Variants in ATP6V0A2 observed in about 807,000 individuals in gnomAD.
The protein encoded by ATP6V0A2 is ATPase H+ transporting V0 subunit a2, also known as V-type proton ATPase 116 kDa subunit a 2.
Under a neutral mutation model 104.4 loss-of-function variants are expected in ATP6V0A2, and 58 were observed. The observed-to-expected ratio is 0.56, with a 90% CI of 0.45 to 0.69. ATP6V0A2 has a LOEUF of 0.69. ATP6V0A2 is among the 30% of genes least tolerant of loss of function. ATP6V0A2 has a pLI of 0.00. For synonymous variants in ATP6V0A2, 376 were observed against 397.9 expected (o/e 0.95, Z 0.65); for missense variants, 938 against 1,062.9 (o/e 0.88, Z 1.63).
In ATP6V0A2 at chr12:123,748,091, A is replaced by G. The variant is rs138587923; in HGVS notation, c.1724+366A>G. On this transcript the variant is annotated intron_variant, in intron 14 of 19. Transcript: ENST00000330342. Reference sequence around the variant, plus strand: ...CATATTCCTTTTTTATTTTACAAATAAAAAATCTTTTTGTTTTTACTTTAT... The same window carrying G: ...CATATTCCTTTTTTATTTTACAAATGAAAAATCTTTTTGTTTTTACTTTAT... Among the ~76,000 whole-genome samples the G allele has an allele frequency of 7.7e-3, 1,166 of 152,292 alleles. 17 individuals carry two copies. The highest frequency in any genetic ancestry group is 0.026 in the African/African-American group (1,080 of 41,550).
Position 123,748,771 on chromosome 12 carries a change from C to T in ATP6V0A2, c.1921C>T (p.Leu641Phe), listed in dbSNP as rs545859716. The T allele has an allele frequency of 1.2e-6, 2 of 1,613,996 alleles. No individual in the cohort carries two copies. The highest frequency in any genetic ancestry group is 2.7e-5 in the African/African-American group (2 of 75,032). Residue 641 changes from leucine (L) to phenylalanine (F), a missense_variant, in exon 15 of 20, where the codon CTT becomes TTT. Physicochemically the swap from Leu to Phe is conservative, Grantham distance 22 (BLOSUM62 0). Transcript: ENST00000330342. The part of the protein sequence containing the change: ...FLFPASKTSG[L>F]YTGQEYVQRV... Reference sequence around the variant, plus strand: ...ATTCCCAGCCAGTAAAACAAGTGGCCTTTACACAGGGCAGGTGAGTCATCT... The same window carrying T: ...ATTCCCAGCCAGTAAAACAAGTGGCTTTTACACAGGGCAGGTGAGTCATCT...
At chr12:123,725,138 T>G (rs113279048) in intron 4 of ATP6V0A2, among the ~76,000 whole-genome samples, 4,883 of 152,254 alleles carry the variant, frequency 0.032, 211 homozygotes, top group African/African-American at 0.089. Flanking sequence ...TTTCACCATG[T>G]TGGCCAGGCT....
chr12:123,741,412 A>G (rs916396592), intron 9 of ATP6V0A2, among the ~76,000 whole-genome samples: 2 of 152,026 alleles, frequency 1.3e-5, no homozygotes, highest in African/African-American at 4.8e-5. Context: ...GATTTATGGA[A>G]CATGGTGAAG....
intron 8 of ATP6V0A2, 84 bp from the exon 9 acceptor site, chr12:123,736,975 A>G: frequency 3.8e-6 from 5 of 1,326,124 alleles, no homozygotes; most frequent in Non-Finnish European, 5.4e-6. Flanking sequence ...ATGGGGAGAA[A>G]GTCCTCTAAG....
chr12:123,751,306 ACCT>A (rs1956712077), intron 16 of ATP6V0A2, 77 bp downstream of exon 16: 1 of 1,603,232 alleles, frequency 6.2e-7, no homozygotes, highest in Admixed American at 1.7e-5. Context: ...TGTAGAAAAC[ACCT>A]CCTGGAGGGT....
At chr12:123,738,107 TG>T (rs1956573273) in intron 9 of ATP6V0A2, among the ~76,000 whole-genome samples, 1 of 152,226 alleles carries the variant, frequency 6.6e-6, no homozygotes, top group African/African-American at 2.4e-5. Context: ...ACCTTTTTTT[TG>T]TTTAAGAGCC....
intron 6 of ATP6V0A2, among the ~76,000 whole-genome samples, chr12:123,730,071 T>C (rs1336843329): frequency 1.4e-5 from 2 of 145,622 alleles, no homozygotes; most frequent in Admixed American, 6.8e-5. Flanking sequence ...TTTTTTTTTT[T>C]TGAGACAGCG....
At position 123,718,701 on chromosome 12, in the gene ATP6V0A2, G is replaced by A. The variant is rs1283640804; in HGVS notation, c.196G>A (p.Val66Met). Residue 66 changes from valine (V) to methionine (M), a missense_variant and splice_region_variant, in exon 2 of 20, where the codon GTG becomes ATG. Transcript: ENST00000330342. ...KRCEELERILVYLVQEINRAD... is the reference protein window; with the variant it reads ...KRCEELERILMYLVQEINRAD... ...GTGTGAAGAGCTAGAGCGAATATTG[G>A]GTAAGTTTATTTTCTGATTTAACAA... 1 of 1,606,244 alleles carries A rather than the reference G, an allele frequency of 6.2e-7. No homozygotes were observed. The highest frequency in any genetic ancestry group is 8.5e-7 in the Non-Finnish European group (1 of 1,174,708).
chr12:123,738,493 C>T (rs974221162), intron 9 of ATP6V0A2, among the ~76,000 whole-genome samples: 2 of 152,022 alleles, frequency 1.3e-5, no homozygotes, highest in African/African-American at 2.4e-5. Context: ...TTTTTCTTAC[C>T]AATTTCTGTT....
In ATP6V0A2 at chr12:123,747,699, A is replaced by G. The variant is rs2271659; in HGVS notation, c.1698A>G (p.Gly566=). The G allele has an allele frequency of 2.1e-4, 334 of 1,607,536 alleles. 1 individual carries two copies. The East Asian group carries it at 7.2e-3, about 34-fold the overall frequency. The change falls in exon 14 of 20, where the codon GGA becomes GGG. Residue 566 remains glycine (G), a synonymous_variant. Coordinates refer to ENST00000330342, the MANE Select transcript of ATP6V0A2 (RefSeq NM_012463.4). The part of the protein sequence containing the change: ...VILGIIHMTF[G]VILGIFNHLH... Reference sequence around the variant, plus strand: ...TAGGAATCATTCATATGACTTTTGGAGTCATTCTGGGAATATTTAACCACT... The same window carrying G: ...TAGGAATCATTCATATGACTTTTGGGGTCATTCTGGGAATATTTAACCACT...
chr12:123,758,910 G>A lies in ATP6V0A2; in HGVS notation c.*878G>A, dbSNP rs765270434. On this transcript the variant is annotated 3_prime_UTR_variant, in exon 20 of 20. Transcript: ENST00000330342. ...ATTTTGTCTTGTTTTAGTAATTGGG[G>A]ACAATGGGATAAAATGACATACAAC... 6.6e-6 allele frequency: 1 copy of A among 152,412 alleles called. No homozygotes were observed. The highest frequency in any genetic ancestry group is 1.5e-5 in the Non-Finnish European group (1 of 68,028). 9.4% of individuals were successfully genotyped at this position (152,412 alleles called of 1,614,324 possible). A position where few individuals can be genotyped will look rare whatever the true frequency, so the allele number is the denominator to read the frequency against.
At chr12:123,752,112 G>C (rs1044844515) in intron 16 of ATP6V0A2, among the ~76,000 whole-genome samples, 171 bp from the exon 17 acceptor site, 2 of 152,038 alleles carry the variant, frequency 1.3e-5, no homozygotes, top group East Asian at 3.8e-4. Context: ...CACCTGCCTC[G>C]GCTTCCCAAA....
At chr12:123,713,387 C>T (rs1956310568) in intron 1 of ATP6V0A2, among the ~76,000 whole-genome samples, 1 of 152,092 alleles carries the variant, frequency 6.6e-6, no homozygotes, top group African/African-American at 2.4e-5. Context: ...AAGCTGTCTC[C>T]CCAACAAGTA....
chr12:123,734,977 A>G (rs965354875), intron 7 of ATP6V0A2, among the ~76,000 whole-genome samples: 11 of 152,310 alleles, frequency 7.2e-5, no homozygotes, highest in African/African-American at 2.4e-4. Context: ...AAAGAAAAAT[A>G]AAGGTATGGT....
intron 1 of ATP6V0A2, among the ~76,000 whole-genome samples, chr12:123,717,239 T>C (rs1350608365): frequency 6.9e-6 from 1 of 144,508 alleles, no homozygotes; most frequent in East Asian, 2.0e-4. Flanking sequence ...CGCTTGAACC[T>C]GGAAGGCGAA....
rs753736392 is a variant in ATP6V0A2, at chr12:123,712,577, G to C, written c.12G>C (p.Leu4=). MGS[L]FRSETMCLAQ... ...CGGGTCGGCCCGCCATGGGGTCCCT[G>C]TTCCGGAGCGAGACCATGTGCCTGG... The change falls in exon 1 of 20, where the codon CTG becomes CTC. Residue 4 remains leucine (L), a synonymous_variant. Transcript: ENST00000330342. 6.3e-7 allele frequency: 1 copy of C among 1,594,732 alleles called. No individual in the cohort carries two copies. The highest frequency in any genetic ancestry group is 8.5e-7 in the Non-Finnish European group (1 of 1,173,072).
intron 6 of ATP6V0A2, chr12:123,733,722 C>A: frequency 1.7e-6 from 1 of 576,104 alleles, no homozygotes; most frequent in Non-Finnish European, 3.1e-6. Context: ...TTTGGCTGCT[C>A]TGCACATGAC....
intron 1 of ATP6V0A2, among the ~76,000 whole-genome samples, chr12:123,715,271 G>C (rs1308958417): frequency 1.3e-5 from 2 of 152,190 alleles, no homozygotes; most frequent in Non-Finnish European, 2.9e-5. Flanking sequence ...GTAGTATCCT[G>C]TGACAGCTTT....
intron 17 of ATP6V0A2, among the ~76,000 whole-genome samples, chr12:123,752,882 A>G (rs1956728592): frequency 6.6e-6 from 1 of 152,136 alleles, no homozygotes; most frequent in Non-Finnish European, 1.5e-5. Context: ...TTTTCTTTAT[A>G]TTGTGAAGTC....
Sources: allele counts gnomAD v4.1 joint callset (sites outside exome capture counted in the v4.1 genomes callset), GRCh38; gene constraint gnomAD v4.1.1; transcripts MANE v1.5; gene names NCBI Gene and HGNC (gene_info 2026-07-23, HGNC 2026-07-21).